LTBP1: variants seen among roughly 807,000 people sequenced by gnomAD.
LTBP1 encodes the protein latent-transforming growth factor beta-binding protein 1.
Under a neutral mutation model 207.6 loss-of-function variants are expected in LTBP1, and 129 were observed. The ratio of observed to expected loss-of-function variants is 0.62; its 90% CI spans 0.54 to 0.72. LTBP1 has a LOEUF of 0.72. LTBP1 is among the 30% of genes least tolerant of loss of function. LTBP1 has a pLI of 0.00. For synonymous variants in LTBP1, 963 were observed against 833.7 expected, an observed-to-expected ratio of 1.16 and a Z score of -2.67; for missense variants, 2,281 against 2,217.2, an observed-to-expected ratio of 1.03 and a Z score of -0.58.
chr2:33,293,268 A>C lies in LTBP1; in HGVS notation c.3221A>C (p.His1074Pro), dbSNP rs1310743012. ...CHKGYTRTPDHKHCRDIDECQ... is the reference protein window; with the variant it reads ...CHKGYTRTPDPKHCRDIDECQ... ...AAAGGCTATACCCGGACTCCGGACC[A>C]CAAGCACTGTAGAGGTAAATACTGT... Residue 1074 changes from histidine to proline, a missense_variant, in exon 20 of 34, where the codon CAC (histidine) becomes CCC (proline). Transcript: ENST00000404816. 6.2e-7 allele frequency: 1 copy of C among 1,613,462 alleles called. No individual in the cohort carries two copies. The highest frequency in any genetic ancestry group is 8.5e-7 in the Non-Finnish European group (1 of 1,179,842).
At chr2:32,973,944 T>C (rs1681316703) in intron 2 of LTBP1, among the ~76,000 whole-genome samples, 1 of 152,254 alleles carries the variant, frequency 6.6e-6, no homozygotes, top group South Asian at 2.1e-4. Context: ...TTCTTTTTTA[T>C]GGCTGAATAG....
Position 33,134,730 on chromosome 2 carries a change from G to T in LTBP1, c.1034-63G>T. 5 of 1,612,924 alleles carry T rather than the reference G, an allele frequency of 3.1e-6. No individual in the cohort carries two copies. In the South Asian group the frequency reaches 5.5e-5, roughly 18 times the overall value. The stretch of plus-strand genomic sequence containing the variant: ...TTTCTGTTTTTTTAAACCTTCCAAG[G>T]CAAGTTCATGGATACTAAGCTGATG... On this transcript the variant is annotated intron_variant, in intron 4 of 33. Coordinates refer to ENST00000404816, the MANE Select transcript of LTBP1 (RefSeq NM_206943.4). This position sits in a 1 kb window ranked among gnomAD's most constrained non-coding sequence, Gnocchi z 4.4.
intron 4 of LTBP1, among the ~76,000 whole-genome samples, chr2:33,117,129 TAG>T (rs141651268): frequency 0.01 from 1,566 of 152,242 alleles, 17 homozygotes; most frequent in East Asian, 0.016. Flanking sequence ...GAGACAGATG[TAG>T]AGTCTGTTGT....
intron 22 of LTBP1, among the ~76,000 whole-genome samples, chr2:33,307,927 A>T (rs1293272029): frequency 6.6e-6 from 1 of 152,184 alleles, no homozygotes; most frequent in Non-Finnish European, 1.5e-5. Context: ...ATTCTAGGAG[A>T]AAAATGAAAT....
chr2:33,019,412 T>C (rs1318868329), intron 2 of LTBP1, among the ~76,000 whole-genome samples: 1 of 145,262 alleles, frequency 6.9e-6, no homozygotes, highest in African/African-American at 2.5e-5. Context: ...CTCGGCTCAC[T>C]GTAACCTCTG....
At chr2:33,045,474 G>T (rs558955524) in intron 3 of LTBP1, among the ~76,000 whole-genome samples, 1 of 152,108 alleles carries the variant, frequency 6.6e-6, no homozygotes, top group African/African-American at 2.4e-5. Flanking sequence ...TGGTCTGTAT[G>T]TCTGTTTTGG....
Position 33,134,595 on chromosome 2 carries a change from C to A in LTBP1, c.1034-198C>A. The A allele has an allele frequency of 6.5e-7, 1 of 1,537,506 alleles. No individual in the cohort carries two copies. Among genetic ancestry groups the A allele is most frequent in the Non-Finnish European group, 8.8e-7 (1 of 1,140,282 alleles). ...TTTGCTAAGCTTCCTACTCCTGTTT[C>A]AGAGACACCACTGAATACAGAGCAG... On this transcript the variant is annotated intron_variant, in intron 4 of 33. Coordinates refer to ENST00000404816, the MANE Select transcript of LTBP1 (RefSeq NM_206943.4). This position sits in a 1 kb window ranked among gnomAD's most constrained non-coding sequence, Gnocchi z 4.4.
chr2:33,159,654 A>G (rs991600308), intron 5 of LTBP1, among the ~76,000 whole-genome samples: 3 of 152,060 alleles, frequency 2.0e-5, no homozygotes, highest in African/African-American at 4.8e-5. Flanking sequence ...TTAGTTTCCT[A>G]TGTCATCATC....
chr2:33,119,492 T>C (rs1004994420), intron 4 of LTBP1, among the ~76,000 whole-genome samples: 1 of 152,186 alleles, frequency 6.6e-6, no homozygotes, highest in Non-Finnish European at 1.5e-5. Context: ...CCCCTTAATG[T>C]TGAAAATGAC....
chr2:32,966,710 C>T (rs1234679007), intron 2 of LTBP1, among the ~76,000 whole-genome samples: 1 of 152,118 alleles, frequency 6.6e-6, no homozygotes, highest in Non-Finnish European at 1.5e-5. Context: ...ACCAAACTTG[C>T]ATACCTGGGA....
intron 7 of LTBP1, among the ~76,000 whole-genome samples, chr2:33,199,157 C>T (rs1240750099): frequency 6.6e-6 from 1 of 151,994 alleles, no homozygotes; most frequent in African/African-American, 2.4e-5. Context: ...TCGTTATGTA[C>T]CCAGTAGTCA....
At chr2:33,200,977 A>G (rs1026552954) in intron 7 of LTBP1, among the ~76,000 whole-genome samples, 1 of 152,228 alleles carries the variant, frequency 6.6e-6, no homozygotes, top group Non-Finnish European at 1.5e-5. Flanking sequence ...TCAGGAAACA[A>G]CAGGTGCTGG....
At chr2:33,098,981 A>G (rs537132022) in intron 3 of LTBP1, among the ~76,000 whole-genome samples, 1 of 152,306 alleles carries the variant, frequency 6.6e-6, no homozygotes, top group East Asian at 1.9e-4. Context: ...TTCTAGTATA[A>G]GAAGATTTAC....
chr2:32,998,512 T>TA lies in LTBP1; in HGVS notation c.566-22363dup, dbSNP rs769287082. The stretch of plus-strand genomic sequence containing the variant: ...CTGGCAACAGAGTGAGACTCCATCT[T>TA]AAAAAAAAAAAAAAAAAAAAAAAAA... On this transcript the variant is annotated intron_variant, in intron 2 of 33. Transcript: ENST00000404816. Among the ~76,000 whole-genome samples, 244 of 29,252 alleles carry TA rather than the reference T, an allele frequency of 8.3e-3. 6 individuals carry two copies. The highest frequency in any genetic ancestry group is 0.02 in the African/African-American group (230 of 11,660). The allele number at this position is 29,252 out of a possible 152,430, so 19.2% of individuals were successfully genotyped here.
chr2:33,109,868 G>GA (rs1471822016), intron 3 of LTBP1, among the ~76,000 whole-genome samples: 1 of 152,172 alleles, frequency 6.6e-6, no homozygotes, highest in Non-Finnish European at 1.5e-5. Context: ...TTAGGTAACT[G>GA]AGGCTTAAAG....
rs189698933 is a variant in LTBP1 at position 33,377,850 on chromosome 2, G to A, written c.4712-11334G>A. Among the ~76,000 whole-genome samples, 15 of 152,272 alleles carry A rather than the reference G, an allele frequency of 9.9e-5. No individual in the cohort carries two copies. The East Asian group carries it at 2.7e-3, about 27-fold the overall frequency. On this transcript the variant is annotated intron_variant, in intron 31 of 33. Transcript: ENST00000404816. ...TTCTTACCTGGCGACAGGACAGAAG[G>A]AGAGAAAGAGCGAGGAAGTGCCACA...
At chr2:33,280,979 G>A (rs1025937052) in intron 19 of LTBP1, among the ~76,000 whole-genome samples, 3 of 152,196 alleles carry the variant, frequency 2.0e-5, no homozygotes, top group African/African-American at 7.2e-5. Context: ...GCTGAGGTGG[G>A]AGGATCGCTT....
chr2:33,344,755 A>G (rs145122888), intron 25 of LTBP1, among the ~76,000 whole-genome samples: 2 of 152,360 alleles, frequency 1.3e-5, no homozygotes, highest in East Asian at 1.9e-4. Context: ...TATATGATTG[A>G]AAACTTTCTC....
chr2:33,144,539 A>G (rs1293299807), intron 5 of LTBP1, among the ~76,000 whole-genome samples: 1 of 152,210 alleles, frequency 6.6e-6, no homozygotes, highest in African/African-American at 2.4e-5. Flanking sequence ...AAAAGTAATC[A>G]TCTTGAGTAG....
Sources: gnomAD v4.1 joint callset for allele counts (sites outside exome capture counted in the v4.1 genomes callset) on GRCh38, gnomAD v4.1.1 for gene constraint, Gnocchi (gnomAD v3.1) non-coding constraint, MANE v1.5 for transcripts, NCBI Gene and HGNC (gene_info 2026-07-23, HGNC 2026-07-21) for gene names.